CDH13: variants seen among roughly 807,000 people sequenced by gnomAD.
The protein encoded by CDH13 is cadherin 13, also known as cadherin-13.
CDH13 carries 24 observed loss-of-function variants against 63.8 expected under a neutral mutation model. The ratio of observed to expected loss-of-function variants is 0.38; its 90% confidence interval spans 0.27 to 0.53. The LOEUF is 0.53. Among genes scored for constraint, CDH13 ranks in the 20% least tolerant of loss-of-function variants. The pLI is 0.85. For missense variants in CDH13, 1,049 were observed against 903.1 expected, an observed-to-expected ratio of 1.16 and a Z score of -2.07; for synonymous variants, 503 against 355.3, an observed-to-expected ratio of 1.42 and a Z score of -4.67.
At chr16:83,068,840 C>A (rs1425173602) in intron 3 of CDH13, among the ~76,000 whole-genome samples, 1 of 152,102 alleles carries the variant, frequency 6.6e-6, no homozygotes, top group Non-Finnish European at 1.5e-5. Flanking sequence ...CGTTCCCTGC[C>A]CCCTTGTTGT....
rs61435387 is a variant in CDH13 at position 82,710,576 on chromosome 16, T to TAA, written c.45+83441_45+83442dup. On this transcript the variant is annotated intron_variant, in intron 1 of 13. Coordinates refer to ENST00000567109, the MANE Select transcript of CDH13 (RefSeq NM_001257.5). ...AAATATATATATATATATATATATA[T>TAA]AAATATATTTCTATATTTATAAAAT... 4.4e-3 allele frequency among the ~76,000 whole-genome samples: 519 copies of TAA among 117,472 alleles called. 3 individuals are homozygous for TAA. The highest frequency in any genetic ancestry group is 0.011 in the African/African-American group (373 of 33,144). The allele number at this position is 117,472 out of a possible 152,430, so 77.1% of individuals were successfully genotyped here.
At chr16:83,082,445 T>G (rs888358960) in intron 3 of CDH13, among the ~76,000 whole-genome samples, 2 of 151,780 alleles carry the variant, frequency 1.3e-5, no homozygotes, top group Non-Finnish European at 2.9e-5. Context: ...GCCAACATGG[T>G]GAAACCCTGT....
At chr16:83,588,933 A>AC (rs1555579441) in intron 7 of CDH13, among the ~76,000 whole-genome samples, 3 of 152,064 alleles carry the variant, frequency 2.0e-5, no homozygotes, top group Non-Finnish European at 1.5e-5. Context: ...CTCAGCGGTC[A>AC]CCCCCCAGAG....
intron 7 of CDH13, among the ~76,000 whole-genome samples, chr16:83,519,811 G>A (rs1340966257): frequency 6.6e-6 from 1 of 152,106 alleles, no homozygotes. Context: ...GGGGGAACAA[G>A]GGGAACTGAA....
chr16:83,002,557 C>T (rs1196074834), intron 2 of CDH13, among the ~76,000 whole-genome samples: 1 of 152,242 alleles, frequency 6.6e-6, no homozygotes, highest in African/African-American at 2.4e-5. Flanking sequence ...ACAAAAATCC[C>T]TGCCATTGTG....
chr16:82,847,889 GC>G (rs2039329452), intron 1 of CDH13, among the ~76,000 whole-genome samples: 1 of 109,952 alleles, frequency 9.1e-6, no homozygotes, highest in Non-Finnish European at 1.8e-5. Context: ...GTTTTCTTGT[GC>G]TTCACTTTTT....
At position 82,858,448 on chromosome 16, in the gene CDH13, C is replaced by T; in HGVS notation, c.132C>T (p.Phe44=). Residue 44 remains phenylalanine, a synonymous_variant, in exon 2 of 14, where the codon TTC becomes TTT. Transcript: ENST00000567109. The part of the protein sequence containing the change: ...KVFHINQPAE[F]IEDQSILNLT... ...TCCATATCAATCAGCCAGCTGAATT[C>T]ATTGAGGACCAGTCAATTCTAAACT... The T allele has an allele frequency of 6.2e-7, 1 of 1,610,380 alleles. No individual in the cohort carries two copies. Among genetic ancestry groups the T allele is most frequent in the East Asian group, 2.2e-5 (1 of 44,866 alleles).
intron 6 of CDH13, among the ~76,000 whole-genome samples, chr16:83,466,133 C>T (rs1016357155): frequency 6.6e-6 from 1 of 152,216 alleles, no homozygotes; most frequent in African/African-American, 2.4e-5. Flanking sequence ...CCCCAAGACC[C>T]ATCACCCGTC....
chr16:83,226,317 A>T (rs1035935792), intron 5 of CDH13, among the ~76,000 whole-genome samples: 5 of 152,190 alleles, frequency 3.3e-5, no homozygotes, highest in Non-Finnish European at 7.3e-5. Flanking sequence ...CTTCTGACTG[A>T]TTATTTATTT....
chr16:83,688,221 C>T (rs1175643110), intron 10 of CDH13, among the ~76,000 whole-genome samples: 2 of 152,190 alleles, frequency 1.3e-5, no homozygotes, highest in Non-Finnish European at 2.9e-5. Flanking sequence ...CAAAAACCAT[C>T]ATTGACTGGC....
Position 83,510,179 on chromosome 16 carries a change from C to T in CDH13, c.960+23524C>T, listed in dbSNP as rs560880099. On this transcript the variant is annotated intron_variant, in intron 7 of 13. Transcript: ENST00000567109. ...AAAACAGTGAGATATTTAAATTCTTCAGGGATATTATTTTCGAGTGGATAA... is the reference window on the plus strand; with the variant it reads ...AAAACAGTGAGATATTTAAATTCTTTAGGGATATTATTTTCGAGTGGATAA... Among the ~76,000 whole-genome samples the T allele has an allele frequency of 1.1e-4, 16 of 152,170 alleles. No homozygotes were observed. In the South Asian group the frequency reaches 1.5e-3, roughly 14 times the overall value.
At chr16:83,418,244 T>C (rs2071612234) in intron 6 of CDH13, among the ~76,000 whole-genome samples, 1 of 152,164 alleles carries the variant, frequency 6.6e-6, no homozygotes, top group Non-Finnish European at 1.5e-5. Context: ...ATTTGGAGGA[T>C]TAAAAGGGAA....
intron 4 of CDH13, among the ~76,000 whole-genome samples, chr16:83,144,388 T>G (rs2036659138): frequency 6.6e-6 from 1 of 152,152 alleles, no homozygotes; most frequent in Non-Finnish European, 1.5e-5. Context: ...GCAGAATATT[T>G]TAAAAAATAA....
At chr16:82,792,920 G>A (rs1043814514) in intron 1 of CDH13, among the ~76,000 whole-genome samples, 3 of 137,032 alleles carry the variant, frequency 2.2e-5, no homozygotes, top group Non-Finnish European at 3.3e-5. Context: ...GGCACCCATG[G>A]GCTTGGAGGG....
At chr16:83,144,035 T>C (rs2036644507) in intron 4 of CDH13, among the ~76,000 whole-genome samples, 1 of 152,058 alleles carries the variant, frequency 6.6e-6, no homozygotes, top group Admixed American at 6.6e-5. Context: ...GCCCTGTTTG[T>C]TCTTGTATGA....
chr16:83,265,248 C>G (rs1006161580), intron 5 of CDH13, among the ~76,000 whole-genome samples: 4 of 152,204 alleles, frequency 2.6e-5, no homozygotes, highest in African/African-American at 9.7e-5. Flanking sequence ...ACTGGGAACT[C>G]TGTTTGCCTT....
chr16:83,548,293 C>A (rs2075426466), intron 7 of CDH13, among the ~76,000 whole-genome samples: 2 of 152,116 alleles, frequency 1.3e-5, no homozygotes, highest in African/African-American at 4.8e-5. Context: ...CAAGGAACAC[C>A]TGGAAATATC....
In CDH13 at chr16:83,114,797, T is replaced by G. The variant is rs969003651; in HGVS notation, c.367-10588T>G. Among the ~76,000 whole-genome samples the G allele has an allele frequency of 5.9e-5, 9 of 152,344 alleles. No homozygotes were observed. In the East Asian group the frequency reaches 1.4e-3, roughly 23 times the overall value. ...AGGAGGCAATGAAGCAAACTTTAAA[T>G]GTAGCCCCAGGTACTTCAAAGCTGG... On this transcript the variant is annotated intron_variant, in intron 3 of 13. Transcript: ENST00000567109.
intron 1 of CDH13, among the ~76,000 whole-genome samples, chr16:82,827,014 C>A (rs2038287179): frequency 6.6e-6 from 1 of 152,178 alleles, no homozygotes; most frequent in Admixed American, 6.5e-5. Flanking sequence ...CAGCCCCTGG[C>A]ATGTTTTGCT....
Sources: allele counts gnomAD v4.1 joint callset (sites outside exome capture counted in the v4.1 genomes callset), GRCh38; gene constraint gnomAD v4.1.1; transcripts MANE v1.5; gene names NCBI Gene and HGNC (gene_info 2026-07-23, HGNC 2026-07-21).